KLHL1: variants seen among roughly 807,000 people sequenced by gnomAD.
The protein encoded by KLHL1 is kelch-like protein 1.
A neutral mutation model predicts 77.7 loss-of-function variants in KLHL1; 47 were observed. The ratio of observed to expected loss-of-function variants is 0.60; its 90% CI spans 0.48 to 0.77. The LOEUF (loss-of-function observed/expected upper bound fraction) is 0.77, where lower values mean the gene tolerates loss of function less well. Ranked by LOEUF, KLHL1 falls within the 30% of genes least tolerant of loss-of-function variation. The probability of loss-of-function intolerance (pLI) is 0.00; values close to 1 mark genes in which losing one functional copy is unlikely to be tolerated. For synonymous variants in KLHL1, 360 were observed against 325.2 expected, an observed-to-expected ratio of 1.11 and a Z score of -1.15; for missense variants, 925 against 910.8, an observed-to-expected ratio of 1.02 and a Z score of -0.20.
chr13:69,743,644 G>A (rs1434854153), intron 7 of KLHL1, among the ~76,000 whole-genome samples: 2 of 151,722 alleles, frequency 1.3e-5, no homozygotes, highest in Non-Finnish European at 2.9e-5. Flanking sequence ...AAATTAGCTG[G>A]GCATGGTGAT....
intron 6 of KLHL1, among the ~76,000 whole-genome samples, chr13:69,821,184 G>A (rs1408285875): frequency 2.6e-5 from 4 of 152,022 alleles, no homozygotes; most frequent in Non-Finnish European, 4.4e-5. Context: ...CAAATGGTAG[G>A]CTAGATATGG....
chr13:70,046,619 C>T (rs1470339583), intron 1 of KLHL1, among the ~76,000 whole-genome samples: 1 of 152,198 alleles, frequency 6.6e-6, no homozygotes, highest in Non-Finnish European at 1.5e-5. Flanking sequence ...TCCCTAGTAG[C>T]TGGGATTACA....
At chr13:70,027,275 G>T (rs937959468) in intron 1 of KLHL1, among the ~76,000 whole-genome samples, 33 of 152,168 alleles carry the variant, frequency 2.2e-4, no homozygotes, top group African/African-American at 7.9e-4. Context: ...GAAAAAGATA[G>T]ACAAAGTAAG....
intron 1 of KLHL1, among the ~76,000 whole-genome samples, chr13:70,037,635 T>C (rs1886272399): frequency 6.6e-6 from 1 of 152,098 alleles, no homozygotes; most frequent in Non-Finnish European, 1.5e-5. Flanking sequence ...TTATATATGT[T>C]AGAACTTAAC....
intron 4 of KLHL1, among the ~76,000 whole-genome samples, chr13:69,886,806 T>C (rs138835850): frequency 3.3e-5 from 5 of 152,314 alleles, no homozygotes; most frequent in Admixed American, 2.6e-4. Flanking sequence ...TACCATCTTA[T>C]ACTCTGTGAC....
At chr13:69,705,811 T>C (rs1875598381) in intron 10 of KLHL1, among the ~76,000 whole-genome samples, 1 of 151,704 alleles carries the variant, frequency 6.6e-6, no homozygotes, top group Non-Finnish European at 1.5e-5. Flanking sequence ...TGAAGGAAAA[T>C]GATCTTTAGG....
intron 3 of KLHL1, among the ~76,000 whole-genome samples, chr13:69,960,941 T>A (rs1884043505): frequency 6.6e-6 from 1 of 152,036 alleles, no homozygotes; most frequent in Admixed American, 6.6e-5. Context: ...AGGGAAAAAG[T>A]TATTTGAACC....
chr13:69,980,453 A>G (rs1210608064), intron 1 of KLHL1, among the ~76,000 whole-genome samples: 3 of 152,072 alleles, frequency 2.0e-5, no homozygotes, highest in Admixed American at 1.3e-4. Flanking sequence ...TGCTTTCTAC[A>G]ATTTGTGTGA....
chr13:69,884,585 C>G (rs370519362), intron 4 of KLHL1, among the ~76,000 whole-genome samples: 2 of 152,102 alleles, frequency 1.3e-5, no homozygotes, highest in African/African-American at 4.8e-5. Context: ...TGAGGGATGT[C>G]ATAAAAAACA....
intron 6 of KLHL1, among the ~76,000 whole-genome samples, chr13:69,813,503 C>CACACACACACAT (rs34163072): frequency 2.0e-5 from 3 of 148,928 alleles, no homozygotes; most frequent in African/African-American, 5.0e-5. Context: ...CACACACACA[C>CACACACACACAT]ATATATATAT....
chr13:69,798,491 A>G (rs949963063), intron 6 of KLHL1, among the ~76,000 whole-genome samples: 3 of 152,154 alleles, frequency 2.0e-5, no homozygotes, highest in Non-Finnish European at 4.4e-5. Context: ...TCCAATATAT[A>G]ACTAATTTTG....
chr13:69,839,573 T>A (rs1879161423), intron 5 of KLHL1, among the ~76,000 whole-genome samples: 1 of 152,024 alleles, frequency 6.6e-6, no homozygotes, highest in Non-Finnish European at 1.5e-5. Context: ...TAAGTGTTCA[T>A]ATATTTAATT....
At chr13:69,902,668 C>A (rs967337502) in intron 4 of KLHL1, among the ~76,000 whole-genome samples, 1 of 149,854 alleles carries the variant, frequency 6.7e-6, no homozygotes, top group African/African-American at 2.5e-5. Flanking sequence ...AAAAACCAAA[C>A]ACCACATGTT....
At chr13:69,705,701 T>A (rs946270530) in intron 10 of KLHL1, among the ~76,000 whole-genome samples, 1 of 151,738 alleles carries the variant, frequency 6.6e-6, no homozygotes, top group Non-Finnish European at 1.5e-5. Flanking sequence ...TTAAATTTAA[T>A]GTTTACTGTA....
intron 5 of KLHL1, among the ~76,000 whole-genome samples, chr13:69,869,326 G>T (rs1880493293): frequency 6.6e-6 from 1 of 151,756 alleles, no homozygotes; most frequent in African/African-American, 2.4e-5. Context: ...TTTATATGTA[G>T]AAAATATTAA....
chr13:70,081,014 A>G (rs1252996306), intron 1 of KLHL1, among the ~76,000 whole-genome samples: 6 of 152,240 alleles, frequency 3.9e-5, no homozygotes. Context: ...TGCAAAGTGC[A>G]TATCATAAAA....
intron 1 of KLHL1, among the ~76,000 whole-genome samples, chr13:70,102,694 C>T (rs918499548): frequency 2.0e-5 from 3 of 152,070 alleles, no homozygotes; most frequent in Non-Finnish European, 4.4e-5. Flanking sequence ...ATTAATTACC[C>T]TCTTTATATT....
intron 1 of KLHL1, among the ~76,000 whole-genome samples, chr13:70,050,020 A>G (rs1886591975): frequency 6.6e-6 from 1 of 152,030 alleles, no homozygotes; most frequent in African/African-American, 2.4e-5. Flanking sequence ...AATGTAAAAT[A>G]CAGAATTAAA....
rs566454337 is a variant in KLHL1, at chr13:69,780,376, G to GAAAC, written c.1639+16358_1639+16361dup. 7.7e-4 allele frequency among the ~76,000 whole-genome samples: 117 copies of GAAAC among 151,976 alleles called. 1 individual carries two copies. Among genetic ancestry groups the GAAAC allele is most frequent in the Admixed American group, 1.4e-3 (22 of 15,238 alleles). On this transcript the variant is annotated intron_variant, in intron 7 of 10. Transcript: ENST00000377844. ...ACTTTGAAGAGAGAATCCTTTTAAA[G>GAAAC]AAACATATTGTCTTGGTTTAGTAAG... is the stretch of plus-strand genomic sequence containing the variant.
Sources: allele counts gnomAD v4.1 joint callset (sites outside exome capture counted in the v4.1 genomes callset), GRCh38; gene constraint gnomAD v4.1.1; transcripts MANE v1.5; gene names NCBI Gene and HGNC (gene_info 2026-07-23, HGNC 2026-07-21).